The following NLGN1 variants were observed in gnomAD, a reference collection of about 807,000 sequenced individuals.
The protein encoded by NLGN1 is neuroligin 1, also known as neuroligin-1.
Under a neutral mutation model 65.5 loss-of-function variants are expected in NLGN1, and 12 were observed. The ratio of observed to expected loss-of-function variants is 0.18; its 90% CI spans 0.12 to 0.30. The LOEUF (loss-of-function observed/expected upper bound fraction) is 0.30, where lower values mean the gene tolerates loss of function less well. Ranked by LOEUF, NLGN1 falls within the 10% of genes least tolerant of loss-of-function variation. The pLI, the probability that NLGN1 is intolerant of heterozygous loss-of-function variation, is 1.00. For missense variants in NLGN1, 750 were observed against 1,007.1 expected, an observed-to-expected ratio of 0.74 and a Z score of 3.46; for synonymous variants, 350 against 359.5, an observed-to-expected ratio of 0.97 and a Z score of 0.30.
At chr3:174,063,043 C>G (rs1737745676) in intron 4 of NLGN1, among the ~76,000 whole-genome samples, 1 of 151,998 alleles carries the variant, frequency 6.6e-6, no homozygotes. Flanking sequence ...AAAGAAAACT[C>G]TATTATCTAG....
chr3:173,579,063 T>A (rs560642666), intron 2 of NLGN1, among the ~76,000 whole-genome samples: 1 of 152,356 alleles, frequency 6.6e-6, no homozygotes, highest in South Asian at 2.1e-4. Flanking sequence ...TTCAAGTCTG[T>A]TTTGAAAATC....
intron 2 of NLGN1, chr3:173,584,699 C>T (rs944426466): frequency 3.2e-4 from 48 of 151,422 alleles, no homozygotes; most frequent in African/African-American, 1.1e-3. Context: ...GGCTTTGGGT[C>T]CCCAGGATTC....
intron 3 of NLGN1, among the ~76,000 whole-genome samples, chr3:173,609,080 CAAG>C (rs1344610978): frequency 1.3e-5 from 2 of 151,884 alleles, no homozygotes; most frequent in African/African-American, 4.8e-5. Flanking sequence ...CGCTAACAAA[CAAG>C]AAAGTGGTCA....
intron 4 of NLGN1, among the ~76,000 whole-genome samples, chr3:173,845,976 G>T (rs1725715979): frequency 6.6e-6 from 1 of 151,842 alleles, no homozygotes; most frequent in Non-Finnish European, 1.5e-5. Context: ...TAAAGATGGG[G>T]TCTTGCTATG....
chr3:173,934,403 GAAT>G (rs1371146374), intron 4 of NLGN1, among the ~76,000 whole-genome samples: 1 of 151,460 alleles, frequency 6.6e-6, no homozygotes, highest in Non-Finnish European at 1.5e-5. Context: ...AAGAAAAAGT[GAAT>G]AATGACGTCA....
At chr3:173,602,841 G>T (rs889339962) in intron 2 of NLGN1, among the ~76,000 whole-genome samples, 3 of 152,028 alleles carry the variant, frequency 2.0e-5, no homozygotes, top group Non-Finnish European at 2.9e-5. Context: ...ACAGAAATGG[G>T]TTTGTGTAGC....
intron 3 of NLGN1, among the ~76,000 whole-genome samples, chr3:173,731,441 G>A (rs1368325911): frequency 6.6e-6 from 1 of 151,984 alleles, no homozygotes; most frequent in Non-Finnish European, 1.5e-5. Context: ...TTGGATCCAG[G>A]TCCCACTAAT....
intron 2 of NLGN1, among the ~76,000 whole-genome samples, chr3:173,507,433 C>T (rs995378895): frequency 3.3e-5 from 5 of 152,118 alleles, no homozygotes; most frequent in African/African-American, 1.2e-4. Context: ...TTTCATTTCT[C>T]ATGGTCATTA....
chr3:173,640,154 G>A (rs1757182219), intron 3 of NLGN1, among the ~76,000 whole-genome samples: 1 of 152,072 alleles, frequency 6.6e-6, no homozygotes, highest in African/African-American at 2.4e-5. Flanking sequence ...AGGATAAATT[G>A]CAAATTATTT....
At chr3:174,179,269 AT>A (rs1036220467) in intron 4 of NLGN1, among the ~76,000 whole-genome samples, 34 of 152,282 alleles carry the variant, frequency 2.2e-4, no homozygotes, top group African/African-American at 7.9e-4. Flanking sequence ...TTTAAAAAAA[AT>A]AAATGAAATT....
At chr3:173,678,619 T>C (rs1291144020) in intron 3 of NLGN1, among the ~76,000 whole-genome samples, 1 of 151,998 alleles carries the variant, frequency 6.6e-6, no homozygotes, top group Non-Finnish European at 1.5e-5. Context: ...GTAAAGAAGT[T>C]GAAGAAGCAG....
At chr3:173,494,976 G>A (rs1212883507) in intron 2 of NLGN1, among the ~76,000 whole-genome samples, 1 of 151,576 alleles carries the variant, frequency 6.6e-6, no homozygotes, top group Non-Finnish European at 1.5e-5. Flanking sequence ...TTACTAAATT[G>A]CTTTCAACAT....
intron 4 of NLGN1, among the ~76,000 whole-genome samples, chr3:174,210,099 T>C (rs1432268997): frequency 1.3e-5 from 2 of 152,276 alleles, no homozygotes; most frequent in African/African-American, 4.8e-5. Context: ...ACATTATAGG[T>C]TCCCCTTAAC....
At position 174,081,674 on chromosome 3, in the gene NLGN1, C is replaced by T. The variant is rs138413803; in HGVS notation, c.647-193641C>T. 5.9e-3 allele frequency among the ~76,000 whole-genome samples: 886 copies of T among 149,468 alleles called. 8 individuals are homozygous for T. The highest frequency in any genetic ancestry group is 0.056 in the Middle Eastern group (16 of 286). Reference sequence around the variant, plus strand: ...ATGATCTTGGCTCACCGGGTTCAAGCGATTCTCCTGCCTCAGCCTCCCGAG... The same window carrying T: ...ATGATCTTGGCTCACCGGGTTCAAGTGATTCTCCTGCCTCAGCCTCCCGAG... On this transcript the variant is annotated intron_variant, in intron 4 of 6. Coordinates refer to ENST00000457714, the Ensembl canonical transcript of NLGN1.
intron 4 of NLGN1, among the ~76,000 whole-genome samples, chr3:173,988,557 C>G (rs927807086): frequency 1.3e-5 from 2 of 152,180 alleles, no homozygotes; most frequent in African/African-American, 4.8e-5. Flanking sequence ...TGGCAAGGCC[C>G]TACCTTTTAA....
intron 4 of NLGN1, among the ~76,000 whole-genome samples, chr3:173,918,690 GTGTGTGTGTGTGTA>G (rs1435915518): frequency 2.0e-4 from 28 of 136,782 alleles, no homozygotes; most frequent in African/African-American, 6.8e-4. Context: ...GTGTGTGTGT[GTGTGTGTGTGTGTA>G]TATATATATA....
chr3:173,704,450 CTT>C (rs1767738773), intron 3 of NLGN1, among the ~76,000 whole-genome samples: 1 of 151,990 alleles, frequency 6.6e-6, no homozygotes, highest in Non-Finnish European at 1.5e-5. Flanking sequence ...AATAGAGACA[CTT>C]TTCAAAAGTG....
Position 173,700,981 on chromosome 3 carries a change from T to C in NLGN1, c.493+95890T>C, listed in dbSNP as rs892850688. Among the ~76,000 whole-genome samples the C allele has an allele frequency of 3.7e-4, 56 of 152,068 alleles. 1 individual carries two copies. The highest frequency in any genetic ancestry group is 4.7e-4 in the Non-Finnish European group (32 of 67,984). Reference sequence around the variant, plus strand: ...TCTACTAAAAATACAAAAAATTAGCTGGGCGTGGTGGCGGGCGCCTGTAGT... The same window carrying C: ...TCTACTAAAAATACAAAAAATTAGCCGGGCGTGGTGGCGGGCGCCTGTAGT... On this transcript the variant is annotated intron_variant, in intron 3 of 6. Transcript: ENST00000457714.
intron 3 of NLGN1, among the ~76,000 whole-genome samples, chr3:173,711,610 G>T (rs1252410805): frequency 6.6e-6 from 1 of 152,132 alleles, no homozygotes; most frequent in Non-Finnish European, 1.5e-5. Flanking sequence ...TCAGCCAAGG[G>T]GTTAAAAGAA....
Sources: gnomAD v4.1 joint callset for allele counts (sites outside exome capture counted in the v4.1 genomes callset) on GRCh38, gnomAD v4.1.1 for gene constraint, MANE v1.5 for transcripts, NCBI Gene and HGNC (gene_info 2026-07-23, HGNC 2026-07-21) for gene names.